ANK1: variants seen among roughly 807,000 people sequenced by gnomAD.
ANK1 encodes the protein ankyrin 1.
Under a neutral mutation model 210.4 loss-of-function variants are expected in ANK1, and 51 were observed. That is an observed-to-expected ratio of 0.24 (90% CI 0.19 to 0.31). The LOEUF (loss-of-function observed/expected upper bound fraction) is 0.31, where lower values mean the gene tolerates loss of function less well. Ranked by LOEUF, ANK1 falls within the 10% of genes least tolerant of loss-of-function variation. The pLI, the probability that ANK1 is intolerant of heterozygous loss-of-function variation, is 1.00. For missense variants in ANK1, 2,051 were observed against 2,504.4 expected (o/e 0.82, Z 3.86); for synonymous variants, 967 against 1,025.9 (o/e 0.94, Z 1.10).
intron 29 of ANK1, 67 bp from the exon 30 acceptor site, chr8:41,693,268 G>T: frequency 7.1e-7 from 1 of 1,400,292 alleles, no homozygotes. Flanking sequence ...TTACTAAAAT[G>T]CTAAGGCCGT....
At chr8:41,776,555 G>A (rs1193717176) in intron 1 of ANK1, among the ~76,000 whole-genome samples, 1 of 152,126 alleles carries the variant, frequency 6.6e-6, no homozygotes, top group Non-Finnish European at 1.5e-5. Flanking sequence ...AATGATCCTA[G>A]ACTCCAAGAA....
intron 1 of ANK1, among the ~76,000 whole-genome samples, chr8:41,761,675 CCACCCTTGAA>C (rs1840494911): frequency 1.3e-5 from 2 of 152,312 alleles, no homozygotes; most frequent in South Asian, 4.1e-4. Context: ...CTAGTGATGA[CCACCCTTGAA>C]CACCCTTGAA....
chr8:41,676,418 A>G (rs1177964244), intron 37 of ANK1, among the ~76,000 whole-genome samples: 1 of 152,220 alleles, frequency 6.6e-6, no homozygotes, highest in Non-Finnish European at 1.5e-5. Context: ...TCTATTGCTC[A>G]ATCTAAAAAC....
At chr8:41,881,561 C>T (rs539722453) in intron 1 of ANK1, among the ~76,000 whole-genome samples, 1 of 152,294 alleles carries the variant, frequency 6.6e-6, no homozygotes, top group African/African-American at 2.4e-5. Flanking sequence ...TATAACATTC[C>T]CATCAAGCTC....
chr8:41,852,110 T>A (rs967122962), intron 1 of ANK1, among the ~76,000 whole-genome samples: 1 of 152,170 alleles, frequency 6.6e-6, no homozygotes, highest in Non-Finnish European at 1.5e-5. Flanking sequence ...GAGCCCAGGA[T>A]GCCTACCTAG....
intron 1 of ANK1, among the ~76,000 whole-genome samples, chr8:41,791,083 GCTCC>G (rs1379406678): frequency 1.3e-5 from 2 of 151,868 alleles, no homozygotes; most frequent in Admixed American, 6.6e-5. Flanking sequence ...GCTGGAATCT[GCTCC>G]ACTGTTTGCA....
chr8:41,817,872 A>G (rs1366120772), intron 1 of ANK1, among the ~76,000 whole-genome samples: 1 of 152,230 alleles, frequency 6.6e-6, no homozygotes, highest in Admixed American at 6.5e-5. Flanking sequence ...CCCTTTCACA[A>G]TCCAGGGCCA....
chr8:41,746,294 CT>C (rs1836114821), intron 2 of ANK1, among the ~76,000 whole-genome samples: 1 of 152,162 alleles, frequency 6.6e-6, no homozygotes, highest in Admixed American at 6.5e-5. Context: ...CCAGGCAGAG[CT>C]GAAGCAACTG....
At chr8:41,767,203 C>G (rs574616228) in intron 1 of ANK1, among the ~76,000 whole-genome samples, 42 of 152,172 alleles carry the variant, frequency 2.8e-4, no homozygotes, top group Non-Finnish European at 5.1e-4. Flanking sequence ...GCACCCGCAC[C>G]CGCCGGGGAA....
chr8:41,672,656 G>A lies in ANK1; in HGVS notation c.4794C>T (p.His1598=), dbSNP rs61753678. Residue 1598 remains histidine (H), a synonymous_variant, in exon 38 of 43, where the codon CAC becomes CAT. Transcript: ENST00000289734. The part of the protein sequence containing the change: ...SKAEDSDATG[H]EWKLEGALSE... ...AGAGTGCCCCCTCCAACTTCCACTC[G>A]TGACCTGTGGCATCAGAGTCCTCAG... The A allele has an allele frequency of 1.6e-5, 26 of 1,614,198 alleles. 1 individual carries two copies. The South Asian group carries it at 1.6e-4, about 10-fold the overall frequency.
At chr8:41,661,677 A>G in intron 41 of ANK1, 113 bp from the exon 42 acceptor site, 1 of 1,599,588 alleles carries the variant, frequency 6.3e-7, no homozygotes, top group Admixed American at 1.7e-5. Context: ...CCCACCAGGG[A>G]GAAGAGAGAC....
At chr8:41,723,787 T>G (rs1829948773) in intron 7 of ANK1, among the ~76,000 whole-genome samples, 154 bp from the exon 8 acceptor site, 1 of 150,350 alleles carries the variant, frequency 6.7e-6, no homozygotes, top group African/African-American at 2.4e-5. Flanking sequence ...TTTTTTTTAT[T>G]TTTTATTTTT....
intron 42 of ANK1, among the ~76,000 whole-genome samples, chr8:41,658,750 A>C (rs181490894): frequency 0.011 from 1,634 of 152,130 alleles, 26 homozygotes; most frequent in African/African-American, 0.037. Flanking sequence ...AAAATTAGCC[A>C]AGGGTGGTGG....
upstream of ANK1, among the ~76,000 whole-genome samples, chr8:41,799,056 G>A (rs1849409822): frequency 6.6e-6 from 1 of 152,132 alleles, no homozygotes; most frequent in African/African-American, 2.4e-5. Flanking sequence ...TGACAGAGCT[G>A]ACAGAGTTCT....
At chr8:41,893,135 A>C (rs1819764133) in intron 1 of ANK1, among the ~76,000 whole-genome samples, 1 of 151,908 alleles carries the variant, frequency 6.6e-6, no homozygotes, top group Admixed American at 6.6e-5. Flanking sequence ...TCCTACCCTC[A>C]AGCTCTGGGT....
At chr8:41,764,163 G>A (rs1013080986) in intron 1 of ANK1, among the ~76,000 whole-genome samples, 9 of 88,406 alleles carry the variant, frequency 1.0e-4, no homozygotes, top group African/African-American at 3.0e-4. Context: ...AAGCGGTCAT[G>A]TGCATTGCAT....
rs973304420 is a variant in ANK1 at position 41,695,466 on chromosome 8, A to T, written c.2961-135T>A. 148 of 1,260,570 alleles carry T rather than the reference A, an allele frequency of 1.2e-4. 1 individual carries two copies. The South Asian group carries it at 1.3e-3, about 11-fold the overall frequency. The allele number at this position is 1,260,570 out of a possible 1,614,324, so 78.1% of individuals were successfully genotyped here. On this transcript the variant is annotated intron_variant, in intron 26 of 42. Coordinates refer to ENST00000289734, the MANE Select transcript of ANK1 (RefSeq NM_000037.4). ...CCACGTGGAGGCCCCACCTGCAGGCAGGTCTCTAAGTGGACCAGACCCATG... is the reference window on the plus strand; with the variant it reads ...CCACGTGGAGGCCCCACCTGCAGGCTGGTCTCTAAGTGGACCAGACCCATG...
At chr8:41,688,739 G>GT (rs1458375907) in intron 33 of ANK1, 150 bp from the exon 34 acceptor site, 2 of 740,594 alleles carry the variant, frequency 2.7e-6, no homozygotes, top group Non-Finnish European at 4.9e-6. Flanking sequence ...AACACAAAGA[G>GT]TAACACATGG....
rs146141207 is a variant in ANK1, at chr8:41,762,017, C to T, written c.28-3880G>A. Among the ~76,000 whole-genome samples the T allele has an allele frequency of 1.5e-3, 235 of 152,324 alleles. 1 individual carries two copies. Among genetic ancestry groups the T allele is most frequent in the Middle Eastern group, 3.4e-3 (1 of 294 alleles). ...GTCTTCCCCAAATCCTGACTTCCTG[C>T]CAGCCCTCCCCAACCTCAGGTCCCA... is the stretch of plus-strand genomic sequence containing the variant. On this transcript the variant is annotated intron_variant, in intron 1 of 42. Transcript: ENST00000289734.
Sources: gnomAD v4.1 joint callset for allele counts (sites outside exome capture counted in the v4.1 genomes callset) on GRCh38, gnomAD v4.1.1 for gene constraint, MANE v1.5 for transcripts, NCBI Gene and HGNC (gene_info 2026-07-23, HGNC 2026-07-21) for gene names.